The following TBL1XR1 variants were observed in gnomAD, a reference collection of about 807,000 sequenced individuals.
TBL1XR1 encodes TBL1X/Y related 1, also known as F-box-like/WD repeat-containing protein TBL1XR1.
In TBL1XR1, 5 loss-of-function variants were observed where a neutral mutation model predicts 66.9. The ratio of observed to expected loss-of-function variants is 0.07; its 90% CI spans 0.04 to 0.16. TBL1XR1 has a LOEUF of 0.16. Among genes scored for constraint, TBL1XR1 ranks in the 10% least tolerant of loss-of-function variants. TBL1XR1 has a pLI of 1.00. For missense variants in TBL1XR1, 238 were observed against 623.2 expected, an observed-to-expected ratio of 0.38 and a Z score of 6.58; for synonymous variants, 210 against 206.0, an observed-to-expected ratio of 1.02 and a Z score of -0.17.
At chr3:177,083,848 G>T (rs1368020736) in intron 2 of TBL1XR1, among the ~76,000 whole-genome samples, 1 of 151,848 alleles carries the variant, frequency 6.6e-6, no homozygotes, top group Non-Finnish European at 1.5e-5. Flanking sequence ...CCAGCACTCT[G>T]GGAAGCTGAG....
intron 2 of TBL1XR1, among the ~76,000 whole-genome samples, chr3:177,071,657 G>A (rs920193607): frequency 5.9e-5 from 9 of 152,090 alleles, no homozygotes; most frequent in South Asian, 4.1e-4. Flanking sequence ...ATAAATGCTC[G>A]CTCAAATCGA....
intron 1 of TBL1XR1, among the ~76,000 whole-genome samples, chr3:177,191,507 A>C (rs1736134841): frequency 6.6e-6 from 1 of 152,206 alleles, no homozygotes; most frequent in Non-Finnish European, 1.5e-5. Flanking sequence ...TCAGACTGTC[A>C]CAGTACTTGT....
intron 1 of TBL1XR1, among the ~76,000 whole-genome samples, chr3:177,149,766 T>C (rs1345301553): frequency 6.6e-6 from 1 of 152,204 alleles, no homozygotes; most frequent in Non-Finnish European, 1.5e-5. Context: ...CAAACTTCAA[T>C]GTATCATAAA....
intron 1 of TBL1XR1, among the ~76,000 whole-genome samples, chr3:177,154,559 G>A (rs943150938): frequency 2.0e-5 from 3 of 152,052 alleles, no homozygotes; most frequent in Admixed American, 6.6e-5. Flanking sequence ...ACCATGCCCA[G>A]CTAATTTTTG....
intron 1 of TBL1XR1, among the ~76,000 whole-genome samples, chr3:177,179,112 C>G (rs1262750125): frequency 4.2e-5 from 4 of 95,042 alleles, no homozygotes; most frequent in African/African-American, 1.7e-4. Flanking sequence ...AGCGAAACTA[C>G]GTCTCAAAAA....
intron 1 of TBL1XR1, among the ~76,000 whole-genome samples, chr3:177,139,934 A>G (rs1193321316): frequency 2.0e-5 from 3 of 152,220 alleles, no homozygotes; most frequent in Non-Finnish European, 4.4e-5. Flanking sequence ...GGATCACCTT[A>G]ACACTCATCT....
chr3:177,060,145 G>C (rs1333510119), intron 3 of TBL1XR1, among the ~76,000 whole-genome samples: 1 of 152,006 alleles, frequency 6.6e-6, no homozygotes, highest in Non-Finnish European at 1.5e-5. Flanking sequence ...AGCCTATTGT[G>C]GGTCTTTACT....
rs954381746 is a variant in TBL1XR1 at position 177,174,431 on chromosome 3, G to A, written c.-122+22690C>T. Among the ~76,000 whole-genome samples, 239 of 97,926 alleles carry A rather than the reference G, an allele frequency of 2.4e-3. 3 individuals are homozygous for A. Among genetic ancestry groups the A allele is most frequent in the Admixed American group, 0.018 (187 of 10,114 alleles). 64.2% of individuals were successfully genotyped at this position (97,926 alleles called of 152,430 possible). A position where few individuals can be genotyped will look rare whatever the true frequency, so the allele number is the denominator to read the frequency against. ...CTCAAAAAAAAAAAAAAAAAAAAAAGGTTATGATGATGACAAAGGATTCCT... is the reference window on the plus strand; with the variant it reads ...CTCAAAAAAAAAAAAAAAAAAAAAAAGTTATGATGATGACAAAGGATTCCT... On this transcript the variant is annotated intron_variant, in intron 1 of 15. Coordinates refer to ENST00000457928, the MANE Select transcript of TBL1XR1 (RefSeq NM_024665.7).
intron 10 of TBL1XR1, chr3:177,044,995 ATGTATGTGTAAATG>A (rs1716128919): frequency 6.6e-6 from 1 of 152,182 alleles, no homozygotes; most frequent in Admixed American, 6.5e-5. Context: ...GTGAACAAAA[ATGTATGTGTAAATG>A]CTTATTAAGT....
intron 1 of TBL1XR1, among the ~76,000 whole-genome samples, chr3:177,151,101 A>T (rs1730829114): frequency 6.6e-6 from 1 of 152,222 alleles, no homozygotes; most frequent in Non-Finnish European, 1.5e-5. Flanking sequence ...TATTTTATAG[A>T]TAGCACCGCT....
intron 1 of TBL1XR1, among the ~76,000 whole-genome samples, chr3:177,119,736 C>A (rs1726754322): frequency 6.6e-6 from 1 of 152,214 alleles, no homozygotes; most frequent in Non-Finnish European, 1.5e-5. Context: ...AACTGGCATA[C>A]TTGCGTGGCT....
chr3:177,090,832 A>C (rs1053702907), intron 2 of TBL1XR1, among the ~76,000 whole-genome samples: 1 of 151,844 alleles, frequency 6.6e-6, no homozygotes, highest in Non-Finnish European at 1.5e-5. Context: ...AATAGAAGTT[A>C]AAACAATTAG....
intron 1 of TBL1XR1, among the ~76,000 whole-genome samples, chr3:177,158,127 GT>G (rs1560241058): frequency 6.7e-6 from 1 of 149,382 alleles, no homozygotes; most frequent in Non-Finnish European, 1.5e-5. Flanking sequence ...GAACTGGATA[GT>G]TTTTATAACA....
chr3:177,096,569 C>T (rs1385328329), intron 2 of TBL1XR1, among the ~76,000 whole-genome samples: 1 of 152,128 alleles, frequency 6.6e-6, no homozygotes, highest in East Asian at 1.9e-4. Context: ...ACTGGTTTGA[C>T]TGCCAAGGGA....
intron 2 of TBL1XR1, among the ~76,000 whole-genome samples, chr3:177,074,350 A>C (rs774524015): frequency 8.5e-5 from 13 of 152,358 alleles, no homozygotes; most frequent in Non-Finnish European, 1.6e-4. Context: ...ATATTCAAGC[A>C]TAAGATAGGG....
chr3:177,112,090 TATATATA>T (rs1725662089), intron 1 of TBL1XR1, among the ~76,000 whole-genome samples: 2 of 52,410 alleles, frequency 3.8e-5, no homozygotes, highest in African/African-American at 1.5e-4. Flanking sequence ...TATATATATA[TATATATA>T]TATATATATA....
At chr3:177,155,073 AAAGAG>A (rs1181328747) in intron 1 of TBL1XR1, among the ~76,000 whole-genome samples, 3 of 152,240 alleles carry the variant, frequency 2.0e-5, no homozygotes, top group African/African-American at 7.2e-5. Flanking sequence ...AAGTATATGA[AAAGAG>A]AAGAGCGTAC....
intron 2 of TBL1XR1, among the ~76,000 whole-genome samples, chr3:177,097,899 T>C: frequency 6.6e-6 from 1 of 152,158 alleles, no homozygotes; most frequent in East Asian, 1.9e-4. Flanking sequence ...AAGACGTTTT[T>C]AAAACTACAG....
intron 2 of TBL1XR1, among the ~76,000 whole-genome samples, chr3:177,078,458 A>C (rs781263604): frequency 1.3e-5 from 2 of 151,672 alleles, no homozygotes; most frequent in Non-Finnish European, 2.9e-5. Context: ...GGTGGCATGA[A>C]CCTGTAGTCC....
Sources: allele counts gnomAD v4.1 joint callset (sites outside exome capture counted in the v4.1 genomes callset), GRCh38; gene constraint gnomAD v4.1.1; transcripts MANE v1.5; gene names NCBI Gene and HGNC (gene_info 2026-07-23, HGNC 2026-07-21).